Variants in RGS6 observed in about 807,000 individuals in gnomAD.
RGS6 encodes regulator of G protein signaling 6.
RGS6 carries 30 observed loss-of-function variants against 78.5 expected under a neutral mutation model. The ratio of observed to expected loss-of-function variants is 0.38; its 90% confidence interval spans 0.29 to 0.52. The LOEUF (loss-of-function observed/expected upper bound fraction) is 0.52, where lower values mean the gene tolerates loss of function less well. RGS6 is among the 20% of genes least tolerant of loss of function. The pLI, the probability that RGS6 is intolerant of heterozygous loss-of-function variation, is 0.85. For synonymous variants in RGS6, 206 were observed against 206.0 expected (o/e 1.00, Z 0.00); for missense variants, 495 against 609.7 (o/e 0.81, Z 1.98).
At chr14:72,395,604 A>G (rs978236405) in intron 3 of RGS6, among the ~76,000 whole-genome samples, 5 of 152,196 alleles carry the variant, frequency 3.3e-5, no homozygotes, top group African/African-American at 1.2e-4. Context: ...ACATATGTAT[A>G]CATGTGCCAT....
intron 2 of RGS6, among the ~76,000 whole-genome samples, chr14:72,334,180 C>G (rs995034142): frequency 7.9e-5 from 12 of 152,348 alleles, no homozygotes; most frequent in Middle Eastern, 3.4e-3. Context: ...GTGCTCACCC[C>G]TACATTTAAT....
chr14:72,383,281 A>G (rs535219715), intron 3 of RGS6, among the ~76,000 whole-genome samples: 2 of 150,192 alleles, frequency 1.3e-5, no homozygotes, highest in South Asian at 4.2e-4. Flanking sequence ...GGAATATAAA[A>G]TAAAGGTGTA....
chr14:72,181,084 T>G lies in RGS6; in HGVS notation c.85-171011T>G, dbSNP rs187895540. On this transcript the variant is annotated intron_variant, in intron 2 of 17. Coordinates refer to ENST00000553525, the MANE Select transcript of RGS6 (RefSeq NM_001204424.2). ...GGCAGCAGCTGGGAATGGGAATTTA[T>G]TATAAGACATCCCTTCAGTGTCTCT... Among the ~76,000 whole-genome samples the G allele has an allele frequency of 3.6e-4, 55 of 152,344 alleles. 2 individuals carry two copies. The highest frequency in any genetic ancestry group is 1.2e-3 in the African/African-American group (50 of 41,582).
At chr14:72,062,575 A>G (rs548320380) in intron 2 of RGS6, among the ~76,000 whole-genome samples, 3 of 152,324 alleles carry the variant, frequency 2.0e-5, no homozygotes, top group South Asian at 4.1e-4. Flanking sequence ...GGTTCAAGAT[A>G]TCTTTTGAAA....
At chr14:72,530,629 T>C (rs902444923) in intron 15 of RGS6, among the ~76,000 whole-genome samples, 4 of 152,138 alleles carry the variant, frequency 2.6e-5, no homozygotes, top group Non-Finnish European at 5.9e-5. Flanking sequence ...AGGTGGAGGT[T>C]GCAGTGAGCC....
Position 72,562,714 on chromosome 14 carries a change from G to A in RGS6, c.*247G>A. The A allele has an allele frequency of 6.5e-7, 1 of 1,536,178 alleles. No homozygotes were observed. Among genetic ancestry groups the A allele is most frequent in the Non-Finnish European group, 8.7e-7 (1 of 1,146,900 alleles). On this transcript the variant is annotated 3_prime_UTR_variant, in exon 18 of 18. Transcript: ENST00000553525. ...TTTACAGCCCTCTCTTCTTTGTACA[G>A]TTGTATTCCAACACTCCACTCGCTA...
At chr14:72,302,850 G>A (rs2066398861) in intron 2 of RGS6, among the ~76,000 whole-genome samples, 1 of 152,208 alleles carries the variant, frequency 6.6e-6, no homozygotes, top group African/African-American at 2.4e-5. Flanking sequence ...GAGGGACCCA[G>A]TGGGAGGTAA....
At chr14:72,357,126 C>T (rs987876702) in intron 3 of RGS6, among the ~76,000 whole-genome samples, 16 of 151,910 alleles carry the variant, frequency 1.1e-4, no homozygotes, top group Admixed American at 7.2e-4. Context: ...CAAAAATTAG[C>T]TCAGTGGTAG....
At chr14:72,258,253 T>C (rs1177142043) in intron 2 of RGS6, among the ~76,000 whole-genome samples, 1 of 152,220 alleles carries the variant, frequency 6.6e-6, no homozygotes, top group Non-Finnish European at 1.5e-5. Context: ...ACTTAATCTT[T>C]AGAGGGCTCA....
the RGS6 span, among the ~76,000 whole-genome samples, chr14:72,603,994 A>G: frequency 3.3e-5 from 5 of 152,194 alleles, no homozygotes; most frequent in Admixed American, 3.3e-4. Flanking sequence ...GAGAGAGAGT[A>G]ATAGTATAGT....
the RGS6 span, among the ~76,000 whole-genome samples, chr14:72,602,703 T>TC: frequency 1.3e-5 from 2 of 152,342 alleles, no homozygotes; most frequent in South Asian, 4.1e-4. Flanking sequence ...GGAAATGTAT[T>TC]CCCAAGGGCA....
chr14:72,087,378 G>A lies in RGS6; in HGVS notation c.84+122503G>A, dbSNP rs372750818. Reference sequence around the variant, plus strand: ...ACTCCTTACCTCAAGTGATCTGCCCGCCTTGGCCTCCCAAAGTGCTGGAAT... The same window carrying A: ...ACTCCTTACCTCAAGTGATCTGCCCACCTTGGCCTCCCAAAGTGCTGGAAT... On this transcript the variant is annotated intron_variant, in intron 2 of 17. Transcript: ENST00000553525. 1.3e-3 allele frequency among the ~76,000 whole-genome samples: 191 copies of A among 152,142 alleles called. 8 individuals carry two copies. In the South Asian group the frequency reaches 0.037, roughly 30 times the overall value.
intron 6 of RGS6, among the ~76,000 whole-genome samples, chr14:72,461,933 G>C (rs904284754): frequency 6.6e-6 from 1 of 152,158 alleles, no homozygotes; most frequent in Non-Finnish European, 1.5e-5. Flanking sequence ...TGCATGTAAG[G>C]TTCTCTGAGT....
chr14:71,925,500 C>G, the RGS6 span, among the ~76,000 whole-genome samples: 1 of 152,014 alleles, frequency 6.6e-6, no homozygotes, highest in Non-Finnish European at 1.5e-5. Context: ...AAGGAGCTTT[C>G]CCCCTATGTT....
chr14:72,040,257 A>T (rs2092269282), intron 2 of RGS6, among the ~76,000 whole-genome samples: 1 of 152,084 alleles, frequency 6.6e-6, no homozygotes, highest in Admixed American at 6.6e-5. Flanking sequence ...TTTCATATTG[A>T]TATCTAGGAT....
intron 2 of RGS6, among the ~76,000 whole-genome samples, chr14:72,206,603 G>A (rs548450870): frequency 5.3e-4 from 80 of 152,186 alleles, no homozygotes; most frequent in Non-Finnish European, 1.1e-3. Flanking sequence ...CATGGCGGGA[G>A]GAAAGGAGGA....
chr14:72,072,749 T>C (rs1038442750), intron 2 of RGS6, among the ~76,000 whole-genome samples: 1 of 152,240 alleles, frequency 6.6e-6, no homozygotes, highest in African/African-American at 2.4e-5. Flanking sequence ...TTAATATATG[T>C]CTTACGGATT....
intron 2 of RGS6, among the ~76,000 whole-genome samples, chr14:72,084,443 A>G (rs944617566): frequency 6.6e-6 from 1 of 152,148 alleles, no homozygotes; most frequent in African/African-American, 2.4e-5. Flanking sequence ...GCAATTAAGG[A>G]TCTCTGCAAA....
intron 2 of RGS6, among the ~76,000 whole-genome samples, chr14:72,203,838 T>A: frequency 6.8e-6 from 1 of 148,056 alleles, no homozygotes. Context: ...TTTTTTTTTT[T>A]TTTTGAGACA....
Sources: gnomAD v4.1 joint callset for allele counts (sites outside exome capture counted in the v4.1 genomes callset) on GRCh38, gnomAD v4.1.1 for gene constraint, MANE v1.5 for transcripts, NCBI Gene and HGNC (gene_info 2026-07-23, HGNC 2026-07-21) for gene names.